KATNBL1: variants seen among roughly 807,000 people sequenced by gnomAD.
KATNBL1 encodes the protein katanin regulatory subunit B1 like 1, also known as KATNB1-like protein 1.
In KATNBL1, 28 loss-of-function variants were observed where a neutral mutation model predicts 44.7. The ratio of observed to expected loss-of-function variants is 0.63; its 90% CI spans 0.46 to 0.86. The LOEUF is 0.86. KATNBL1 is among the 40% of genes least tolerant of loss of function. The probability of loss-of-function intolerance (pLI) is 0.00; values close to 1 mark genes in which losing one functional copy is unlikely to be tolerated. For synonymous variants in KATNBL1, 78 were observed against 114.9 expected (o/e 0.68, Z 2.06); for missense variants, 272 against 350.7 (o/e 0.78, Z 1.79).
intron 1 of KATNBL1, among the ~76,000 whole-genome samples, chr15:34,175,901 T>G (rs935208367): frequency 6.6e-6 from 1 of 152,010 alleles, no homozygotes; most frequent in Non-Finnish European, 1.5e-5. Context: ...ATCCAGCAAC[T>G]CTACTCCTAC....
At chr15:34,183,986 T>C (rs1298822081) in intron 1 of KATNBL1, among the ~76,000 whole-genome samples, 2 of 151,736 alleles carry the variant, frequency 1.3e-5, no homozygotes, top group African/African-American at 2.4e-5. Context: ...CTGGCCAACA[T>C]GGTGAAACCC....
chr15:34,161,138 C>T (rs1888790957), intron 2 of KATNBL1, among the ~76,000 whole-genome samples: 1 of 152,206 alleles, frequency 6.6e-6, no homozygotes, highest in African/African-American at 2.4e-5. Context: ...AGTTGTGCAT[C>T]TCATTCACAC....
At chr15:34,185,684 A>C (rs574174188) in intron 1 of KATNBL1, among the ~76,000 whole-genome samples, 2 of 152,312 alleles carry the variant, frequency 1.3e-5, no homozygotes, top group South Asian at 4.1e-4. Context: ...AGAAGGCTCT[A>C]ATCAGGTGCT....
chr15:34,156,973 ACT>A (rs943171636), intron 2 of KATNBL1, among the ~76,000 whole-genome samples: 13 of 152,100 alleles, frequency 8.5e-5, no homozygotes, highest in Admixed American at 7.2e-4. Context: ...GGAAGGCAAG[ACT>A]CTCAGTTTAT....
At chr15:34,189,415 C>T (rs1322015490) in intron 1 of KATNBL1, among the ~76,000 whole-genome samples, 1 of 152,232 alleles carries the variant, frequency 6.6e-6, no homozygotes, top group African/African-American at 2.4e-5. Context: ...TTGTATAAAT[C>T]TAACATCAAA....
At chr15:34,148,890 G>A (rs1888387442) in intron 4 of KATNBL1, 140 bp from the exon 5 acceptor site, 1 of 566,010 alleles carries the variant, frequency 1.8e-6, no homozygotes, top group Non-Finnish European at 3.2e-6. Context: ...AAGGAATACT[G>A]CAGTTGACCA....
chr15:34,191,874 GA>G (rs1889883277), intron 1 of KATNBL1, among the ~76,000 whole-genome samples: 1 of 150,742 alleles, frequency 6.6e-6, no homozygotes, highest in African/African-American at 2.4e-5. Flanking sequence ...GTGAACCTGG[GA>G]GGCAGAGCTT....
At chr15:34,189,590 AAT>A (rs1047503563) in intron 1 of KATNBL1, among the ~76,000 whole-genome samples, 1 of 152,220 alleles carries the variant, frequency 6.6e-6, no homozygotes, top group Non-Finnish European at 1.5e-5. Flanking sequence ...GTCACTATAA[AAT>A]AGTCATTCAT....
At chr15:34,172,820 C>T (rs1416892862) in intron 1 of KATNBL1, among the ~76,000 whole-genome samples, 3 of 151,110 alleles carry the variant, frequency 2.0e-5, no homozygotes, top group African/African-American at 7.3e-5. Flanking sequence ...ATACTAACAT[C>T]AATGGTGGTC....
intron 1 of KATNBL1, among the ~76,000 whole-genome samples, chr15:34,179,832 C>G (rs116865840): frequency 3.3e-5 from 5 of 152,184 alleles, no homozygotes; most frequent in African/African-American, 9.6e-5. Flanking sequence ...ACAACAAACA[C>G]GAATTATTTT....
chr15:34,174,835 T>C (rs1432802448), intron 1 of KATNBL1, among the ~76,000 whole-genome samples: 1 of 151,968 alleles, frequency 6.6e-6, no homozygotes, highest in Non-Finnish European at 1.5e-5. Flanking sequence ...CGAGATGGGG[T>C]TTCGCCACGT....
At chr15:34,146,544 G>C in intron 8 of KATNBL1, 2 of 474,766 alleles carry the variant, frequency 4.2e-6, no homozygotes, top group East Asian at 7.1e-5. Context: ...GTAGGGTTGT[G>C]CCAGAAGAAG....
chr15:34,181,806 A>G (rs1438187650), intron 1 of KATNBL1, among the ~76,000 whole-genome samples: 1 of 77,142 alleles, frequency 1.3e-5, no homozygotes, highest in African/African-American at 7.0e-5. Context: ...CCATATATAT[A>G]CATATATACA....
intron 3 of KATNBL1, among the ~76,000 whole-genome samples, chr15:34,153,565 T>C (rs1221520275): frequency 6.6e-6 from 1 of 152,182 alleles, no homozygotes; most frequent in Non-Finnish European, 1.5e-5. Flanking sequence ...AAATAATTAA[T>C]GACTCAAAAA....
intron 1 of KATNBL1, among the ~76,000 whole-genome samples, chr15:34,204,089 C>A (rs1217708919): frequency 6.7e-6 from 1 of 150,036 alleles, no homozygotes; most frequent in African/African-American, 2.5e-5. Flanking sequence ...TAACCATCAA[C>A]AGGTAACCAA....
At chr15:34,181,595 CAT>C (rs1377021489) in intron 1 of KATNBL1, among the ~76,000 whole-genome samples, 1 of 40,540 alleles carries the variant, frequency 2.5e-5, no homozygotes, top group Non-Finnish European at 7.1e-5. Context: ...TATATATACA[CAT>C]ATATATGTCC....
intron 1 of KATNBL1, among the ~76,000 whole-genome samples, chr15:34,196,898 G>A (rs1890043285): frequency 1.3e-5 from 2 of 152,168 alleles, no homozygotes; most frequent in African/African-American, 4.8e-5. Flanking sequence ...CACCTTATTT[G>A]ATATACAGTT....
At chr15:34,156,423 C>G (rs1406931635) in intron 2 of KATNBL1, among the ~76,000 whole-genome samples, 1 of 152,182 alleles carries the variant, frequency 6.6e-6, no homozygotes, top group African/African-American at 2.4e-5. Context: ...GACAATCTGG[C>G]CCTCTGGCCT....
intron 1 of KATNBL1, among the ~76,000 whole-genome samples, chr15:34,203,703 T>G (rs1890224530): frequency 2.0e-5 from 3 of 152,228 alleles, no homozygotes; most frequent in African/African-American, 7.2e-5. Flanking sequence ...TTTTTTCTTT[T>G]TTTGAGATGG....
Sources: gnomAD v4.1 joint callset for allele counts (sites outside exome capture counted in the v4.1 genomes callset) on GRCh38, gnomAD v4.1.1 for gene constraint, MANE v1.5 for transcripts, NCBI Gene and HGNC (gene_info 2026-07-23, HGNC 2026-07-21) for gene names.